Variants in DERPC observed in about 807,000 individuals in gnomAD.
DERPC encodes DERPC proline and glycine rich nuclear protein.
A neutral mutation model predicts 7.2 loss-of-function variants in DERPC; 1 was observed. The observed-to-expected ratio is 0.14, with a 90% CI of 0.05 to 0.66. The LOEUF (loss-of-function observed/expected upper bound fraction) is 0.66, where lower values mean the gene tolerates loss of function less well. Ranked by LOEUF, DERPC falls within the 30% of genes least tolerant of loss-of-function variation. The pLI is 0.84. For synonymous variants in DERPC, 185 were observed against 117.6 expected, an observed-to-expected ratio of 1.57 and a Z score of -3.71; for missense variants, 502 against 299.4, an observed-to-expected ratio of 1.68 and a Z score of -4.99.
rs766507616 is a variant in DERPC at position 69,120,640 on chromosome 16, C to T, written c.-212G>A. ...AGGATATGATGCCCCACGATCAGCA[C>T]AGGGATTCCCTTTGGCAGAACAAGA... On this transcript the variant is annotated 5_prime_UTR_variant, in exon 3 of 3. It adds an upstream start codon to the 5' untranslated region. Coordinates refer to ENST00000519520, the MANE Select transcript of DERPC (RefSeq NM_001002847.4). The surrounding 1 kb of genome is among the most constrained non-coding windows in gnomAD (Gnocchi z 4.0). 1 of 1,608,340 alleles carries T rather than the reference C, an allele frequency of 6.2e-7. No individual in the cohort carries two copies. Among genetic ancestry groups the T allele is most frequent in the African/African-American group, 1.3e-5 (1 of 74,884 alleles).
At chr16:69,126,879 C>T (rs1314318588) in intron 1 of DERPC, among the ~76,000 whole-genome samples, 1 of 152,116 alleles carries the variant, frequency 6.6e-6, no homozygotes, top group Non-Finnish European at 1.5e-5. Flanking sequence ...GTAGGGATTC[C>T]TGAGTACTCC....
rs762832501 is a variant in DERPC at position 69,119,647 on chromosome 16, G to C, written c.782C>G (p.Ser261Cys). The part of the protein sequence containing the change: ...ARAGGLLGTG[S>C]GLNLRMAGPQ... Reference sequence around the variant, plus strand: ...TCCAGCCATTCTTAAGTTAAGACCAGATCCTGTGCCCAAGAGGCCACCTGC... The same window carrying C: ...TCCAGCCATTCTTAAGTTAAGACCACATCCTGTGCCCAAGAGGCCACCTGC... The change falls in exon 3 of 3, where the codon TCT becomes TGT. Residue 261 changes from serine to cysteine, a missense_variant. By Grantham distance (112) the Ser-to-Cys change is moderately radical. Coordinates refer to ENST00000519520, the MANE Select transcript of DERPC (RefSeq NM_001002847.4). 39 of 680,666 alleles carry C rather than the reference G, an allele frequency of 5.7e-5. No homozygotes were observed. The highest frequency in any genetic ancestry group is 2.1e-5 in the Admixed American group (1 of 46,636). 42.2% of individuals were successfully genotyped at this position (680,666 alleles called of 1,614,324 possible).
chr16:69,130,891 C>G (rs1241895915), intron 1 of DERPC, among the ~76,000 whole-genome samples: 1 of 152,190 alleles, frequency 6.6e-6, no homozygotes, highest in Admixed American at 6.5e-5. Context: ...TGTGGTTCAC[C>G]AAACTGCTTC....
At chr16:69,124,292 A>G (rs952677716) in intron 1 of DERPC, among the ~76,000 whole-genome samples, 4 of 152,236 alleles carry the variant, frequency 2.6e-5, no homozygotes, top group African/African-American at 9.7e-5. Flanking sequence ...CTTCTGGCTA[A>G]GTACTGTCAA....
chr16:69,118,762 T>G lies in DERPC; in HGVS notation c.*92A>C. 1.6e-6 allele frequency: 1 copy of G among 639,702 alleles called. No homozygotes were observed. The highest frequency in any genetic ancestry group is 1.8e-5 in the South Asian group (1 of 55,326). The allele number at this position is 639,702 out of a possible 1,614,324, so 39.6% of individuals were successfully genotyped here. A position where few individuals can be genotyped will look rare whatever the true frequency, so the allele number is the denominator to read the frequency against. ...TGAGCCCAAGCTATGTTCTTCAGAC[T>G]GTAGCTCCACAACTACCCTTTTACC... is the stretch of plus-strand genomic sequence containing the variant. On this transcript the variant is annotated 3_prime_UTR_variant, in exon 3 of 3. Transcript: ENST00000519520.
At chr16:69,129,405 A>C (rs1403162830) in intron 1 of DERPC, among the ~76,000 whole-genome samples, 2 of 139,354 alleles carry the variant, frequency 1.4e-5, no homozygotes, top group Non-Finnish European at 3.1e-5. Context: ...ACTCCAGCCT[A>C]GGCAACAGAG....
chr16:69,118,341 G>A lies in DERPC; in HGVS notation c.*513C>T, dbSNP rs771645177. The stretch of plus-strand genomic sequence containing the variant: ...CTTTGAAGTGGTTGTCCATCTCCCT[G>A]TTCTGTGTTCAAGCCCCCAGGGAAA... On this transcript the variant is annotated 3_prime_UTR_variant, in exon 3 of 3. Coordinates refer to ENST00000519520, the MANE Select transcript of DERPC (RefSeq NM_001002847.4). 3.5e-5 allele frequency: 54 copies of A among 1,523,764 alleles called. No homozygotes were observed. The East Asian group carries it at 1.2e-3, about 34-fold the overall frequency. 94.4% of individuals were successfully genotyped at this position (1,523,764 alleles called of 1,614,324 possible).
chr16:69,125,161 C>T (rs1358931391), intron 1 of DERPC, among the ~76,000 whole-genome samples: 1 of 152,130 alleles, frequency 6.6e-6, no homozygotes, highest in Non-Finnish European at 1.5e-5. Context: ...GCGTTGCCCT[C>T]CAAAAGTACT....
At chr16:69,124,674 C>A (rs1036245045) in intron 1 of DERPC, among the ~76,000 whole-genome samples, 2 of 151,948 alleles carry the variant, frequency 1.3e-5, no homozygotes, top group Admixed American at 6.6e-5. Flanking sequence ...CACCCCCAGC[C>A]GATTTCTTTA....
chr16:69,123,882 G>A (rs2152268885), intron 1 of DERPC, among the ~76,000 whole-genome samples: 1 of 142,922 alleles, frequency 7.0e-6, no homozygotes, highest in African/African-American at 2.6e-5. Flanking sequence ...GAGGTCAGGA[G>A]TTTGAGACCA....
Position 69,118,139 on chromosome 16 carries a change from AT to A in DERPC, c.*714del. 2.9e-6 allele frequency: 1 copy of A among 341,258 alleles called. No homozygotes were observed. Among genetic ancestry groups the A allele is most frequent in the Non-Finnish European group, 5.4e-6 (1 of 185,696 alleles). The allele number at this position is 341,258 out of a possible 1,614,324, so 21.1% of individuals were successfully genotyped here. A position where few individuals can be genotyped will look rare whatever the true frequency, so the allele number is the denominator to read the frequency against. On this transcript the variant is annotated 3_prime_UTR_variant, in exon 3 of 3. Coordinates refer to ENST00000519520, the MANE Select transcript of DERPC (RefSeq NM_001002847.4). ...CCCTTCATCCCCCACCCCCACCCTA[AT>A]TCCCATATTCCCATCCACATCAGTT...
chr16:69,122,527 C>T (rs1031058071), intron 1 of DERPC, among the ~76,000 whole-genome samples: 2 of 151,498 alleles, frequency 1.3e-5, no homozygotes, highest in Non-Finnish European at 1.5e-5. Flanking sequence ...TGCATGTCAC[C>T]ATACCCAGCT....
At position 69,119,505 on chromosome 16, in the gene DERPC, T is replaced by G. The variant is rs1597106515; in HGVS notation, c.924A>C (p.Arg308Ser). The stretch of plus-strand genomic sequence containing the variant: ...AGTTTGGGCCCATGGGGCCAGGTAC[T>G]CTTGCCATGGAGGATGGGCTTGTGC... ...NMGTSPSSMARVPGPMGPNSG... is the reference protein window; with the variant it reads ...NMGTSPSSMASVPGPMGPNSG... Residue 308 changes from arginine (R) to serine (S), a missense_variant, in exon 3 of 3, where the codon AGA becomes AGC. Transcript: ENST00000519520. 1 of 702,990 alleles carries G rather than the reference T, an allele frequency of 1.4e-6. No individual in the cohort carries two copies. The highest frequency in any genetic ancestry group is 2.7e-5 in the East Asian group (1 of 37,294). 43.5% of individuals were successfully genotyped at this position (702,990 alleles called of 1,614,324 possible). A position where few individuals can be genotyped will look rare whatever the true frequency, so the allele number is the denominator to read the frequency against.
intron 1 of DERPC, among the ~76,000 whole-genome samples, chr16:69,124,391 C>G (rs1042774042): frequency 6.6e-6 from 1 of 152,078 alleles, no homozygotes; most frequent in African/African-American, 2.4e-5. Flanking sequence ...TGTGCTCAAG[C>G]TTAGCAAACA....
chr16:69,120,387 A>G lies in DERPC; in HGVS notation c.42T>C (p.Pro14=), dbSNP rs1961555022. The G allele has an allele frequency of 6.2e-7, 1 of 1,601,778 alleles. No homozygotes were observed. The highest frequency in any genetic ancestry group is 8.6e-7 in the Non-Finnish European group (1 of 1,168,902). The part of the protein sequence containing the change: ...PRIFPRERPT[P]WTRAPLPPRG... Reference sequence around the variant, plus strand: ...GAGGTGGCAGCGGAGCACGAGTCCAAGGAGTTGGCCGCTCTCTAGGGAAAA... The same window carrying G: ...GAGGTGGCAGCGGAGCACGAGTCCAGGGAGTTGGCCGCTCTCTAGGGAAAA... The change falls in exon 3 of 3, where the codon CCT becomes CCC. Residue 14 remains proline (P), a synonymous_variant. Transcript: ENST00000519520. The surrounding 1 kb of genome is among the most constrained non-coding windows in gnomAD (Gnocchi z 4.0).
At chr16:69,122,208 T>C (rs1961724560) in intron 1 of DERPC, among the ~76,000 whole-genome samples, 1 of 152,168 alleles carries the variant, frequency 6.6e-6, no homozygotes, top group Non-Finnish European at 1.5e-5. Flanking sequence ...ATTGTACATA[T>C]GAGATAGGGT....
chr16:69,124,594 C>T (rs182168264), intron 1 of DERPC, among the ~76,000 whole-genome samples: 4 of 151,544 alleles, frequency 2.6e-5, no homozygotes, highest in African/African-American at 7.3e-5. Context: ...AGGCTGGTCT[C>T]GAACTTCTGA....
Position 69,119,321 on chromosome 16 carries a change from C to T in DERPC, c.1108G>A (p.Ala370Thr). 1.4e-6 allele frequency: 1 copy of T among 703,094 alleles called. No homozygotes were observed. The highest frequency in any genetic ancestry group is 2.6e-6 in the Non-Finnish European group (1 of 385,036). 43.6% of individuals were successfully genotyped at this position (703,094 alleles called of 1,614,324 possible). A position where few individuals can be genotyped will look rare whatever the true frequency, so the allele number is the denominator to read the frequency against. Residue 370 changes from alanine (A) to threonine (T), a missense_variant, in exon 3 of 3, where the codon GCC (alanine) becomes ACC (threonine). Ala to Thr is a moderately conservative substitution (Grantham distance 58). Coordinates refer to ENST00000519520, the MANE Select transcript of DERPC (RefSeq NM_001002847.4). ...AATGTGCCAGAAGACTGAGAAAAGGCAGATGAACCTGCTCCCCTGGGAAAG... is the reference window on the plus strand; with the variant it reads ...AATGTGCCAGAAGACTGAGAAAAGGTAGATGAACCTGCTCCCCTGGGAAAG... The part of the protein sequence containing the change: ...NPFPRGAGSS[A>T]FSQSSGTLAS...
Position 69,118,127 on chromosome 16 carries a change from AC to A in DERPC, c.*726del. 1 of 138,046 alleles carries A rather than the reference AC, an allele frequency of 7.2e-6. No individual in the cohort carries two copies. 8.6% of individuals were successfully genotyped at this position (138,046 alleles called of 1,614,324 possible). On this transcript the variant is annotated 3_prime_UTR_variant, in exon 3 of 3. Coordinates refer to ENST00000519520, the MANE Select transcript of DERPC (RefSeq NM_001002847.4). ...CAGTGATTTCTTCCCTTCATCCCCC[AC>A]CCCCACCCTAATTCCCATATTCCCA...
Sources: allele counts gnomAD v4.1 joint callset (sites outside exome capture counted in the v4.1 genomes callset), GRCh38; gene constraint gnomAD v4.1.1; non-coding constraint Gnocchi (gnomAD v3.1); transcripts MANE v1.5; gene names NCBI Gene and HGNC (gene_info 2026-07-23, HGNC 2026-07-21).